Variants in GRM5 observed in about 807,000 individuals in gnomAD.
GRM5 encodes metabotropic glutamate receptor 5.
A neutral mutation model predicts 83.1 loss-of-function variants in GRM5; 19 were observed. That is an observed-to-expected ratio of 0.23 (90% CI 0.16 to 0.34). The LOEUF (loss-of-function observed/expected upper bound fraction) is 0.34. GRM5 is among the 10% of genes least tolerant of loss of function. The pLI is 1.00. For synonymous variants in GRM5, 675 were observed against 633.6 expected (o/e 1.07, Z -0.98); for missense variants, 1,160 against 1,588.3 (o/e 0.73, Z 4.58).
At position 88,577,072 on chromosome 11, in the gene GRM5, C is replaced by A. The variant is rs1943126691; in HGVS notation, c.1691-9080G>T. ...AATTTTGCAACCACTCTCCAGGCCC[C>A]ACTATATTCCTTCTGTGTTCCCATA... On this transcript the variant is annotated intron_variant, in intron 7 of 9. Transcript: ENST00000305447. Among the ~76,000 whole-genome samples the A allele has an allele frequency of 1.3e-5, 2 of 152,048 alleles. 1 individual carries two copies. Among genetic ancestry groups the A allele is most frequent in the South Asian group, 4.1e-4 (2 of 4,824 alleles).
intron 3 of GRM5, among the ~76,000 whole-genome samples, chr11:88,743,993 G>A (rs772954626): frequency 1.3e-5 from 2 of 152,062 alleles, no homozygotes; most frequent in Non-Finnish European, 2.9e-5. Flanking sequence ...ATGATACAAA[G>A]GTTGCTGAAC....
intron 2 of GRM5, among the ~76,000 whole-genome samples, chr11:89,000,756 A>G (rs555721155): frequency 6.6e-6 from 1 of 152,232 alleles, no homozygotes; most frequent in East Asian, 1.9e-4. Context: ...AATTAAAGAA[A>G]ATCAACAAAA....
intron 2 of GRM5, among the ~76,000 whole-genome samples, chr11:88,852,674 G>T (rs1218254032): frequency 2.0e-5 from 3 of 151,976 alleles, no homozygotes; most frequent in Non-Finnish European, 2.9e-5. Context: ...ACTGCTCTAA[G>T]AAAGAAAGTT....
chr11:88,952,702 C>G (rs997748323), intron 2 of GRM5, among the ~76,000 whole-genome samples: 38 of 151,272 alleles, frequency 2.5e-4, no homozygotes, highest in South Asian at 8.3e-4. Context: ...TTTTATTTTT[C>G]TCTCAATATG....
chr11:88,690,869 C>T (rs1281815580), intron 3 of GRM5, among the ~76,000 whole-genome samples: 1 of 152,168 alleles, frequency 6.6e-6, no homozygotes, highest in Non-Finnish European at 1.5e-5. Flanking sequence ...TCAATTTCGA[C>T]TTCACCTCTT....
At position 88,647,314 on chromosome 11, in the gene GRM5, T is replaced by C. The variant is rs1482793985; in HGVS notation, c.1147+5854A>G. Among the ~76,000 whole-genome samples, 3 of 152,008 alleles carry C rather than the reference T, an allele frequency of 2.0e-5. No individual in the cohort carries two copies. In the East Asian group the frequency reaches 5.8e-4, roughly 29 times the overall value. ...GAATTGAGGAAAAGGTAGCAAGTGG[T>C]AATTCAACCCAGTATAAGGCACTCC... On this transcript the variant is annotated intron_variant, in intron 4 of 9. Transcript: ENST00000305447.
intron 8 of GRM5, among the ~76,000 whole-genome samples, chr11:88,557,572 A>G (rs1409797701): frequency 1.3e-5 from 2 of 152,074 alleles, no homozygotes; most frequent in Non-Finnish European, 2.9e-5. Context: ...CTTATAAGGA[A>G]ACAATAGAGG....
chr11:88,939,490 A>C (rs1938013201), intron 2 of GRM5, among the ~76,000 whole-genome samples: 1 of 151,798 alleles, frequency 6.6e-6, no homozygotes, highest in African/African-American at 2.4e-5. Context: ...TTAGCTGCAT[A>C]TGTGGGCAAC....
intron 3 of GRM5, among the ~76,000 whole-genome samples, chr11:88,738,116 T>A (rs1941957231): frequency 6.6e-6 from 1 of 152,070 alleles, no homozygotes; most frequent in Admixed American, 6.6e-5. Flanking sequence ...ATCACAAGAA[T>A]TTTTTGAAAT....
At position 88,747,668 on chromosome 11, in the gene GRM5, G is replaced by T. The variant is rs975287793; in HGVS notation, c.912-94265C>A. Among the ~76,000 whole-genome samples the T allele has an allele frequency of 3.4e-5, 5 of 145,240 alleles. No homozygotes were observed. The South Asian group carries it at 1.1e-3, about 32-fold the overall frequency. ...CTTTACTTCTCAGATTTTGTGGTAA[G>T]AAAAAGTGAGTGCAGTTTGTCTAAC... is the stretch of plus-strand genomic sequence containing the variant. On this transcript the variant is annotated intron_variant, in intron 3 of 9. Transcript: ENST00000305447.
intron 2 of GRM5, among the ~76,000 whole-genome samples, chr11:88,992,051 G>T (rs1210264812): frequency 6.6e-6 from 1 of 152,118 alleles, no homozygotes; most frequent in African/African-American, 2.4e-5. Context: ...TACAGCAAAA[G>T]AAACTACCAT....
chr11:88,859,002 C>T (rs560430472), intron 2 of GRM5, among the ~76,000 whole-genome samples: 5 of 151,718 alleles, frequency 3.3e-5, no homozygotes. Flanking sequence ...GAATAGCTCA[C>T]AAAGACAATG....
intron 2 of GRM5, among the ~76,000 whole-genome samples, chr11:89,037,992 A>G (rs1941433538): frequency 6.6e-6 from 1 of 152,124 alleles, no homozygotes; most frequent in Non-Finnish European, 1.5e-5. Flanking sequence ...GATGTAATAC[A>G]TGTTGATATT....
intron 2 of GRM5, chr11:88,925,645 C>A: frequency 2.4e-6 from 1 of 416,580 alleles, no homozygotes; most frequent in South Asian, 1.8e-5. Flanking sequence ...GCTGGGGTGG[C>A]TCATGCCCAT....
intron 3 of GRM5, among the ~76,000 whole-genome samples, chr11:88,810,345 A>C (rs1943567440): frequency 6.6e-6 from 1 of 152,156 alleles, no homozygotes; most frequent in Admixed American, 6.5e-5. Flanking sequence ...AAAGAGGATT[A>C]GTCTCTGGTG....
chr11:88,699,995 GAT>G (rs1175867632), intron 3 of GRM5, among the ~76,000 whole-genome samples: 2 of 152,140 alleles, frequency 1.3e-5, no homozygotes, highest in Non-Finnish European at 2.9e-5. Context: ...AGTCCTGAAA[GAT>G]AATGGTAACA....
At chr11:88,528,019 A>C (rs1469123163) in intron 8 of GRM5, among the ~76,000 whole-genome samples, 1 of 152,034 alleles carries the variant, frequency 6.6e-6, no homozygotes, top group Non-Finnish European at 1.5e-5. Context: ...TAATCTGCAT[A>C]TTATACCCCT....
At chr11:88,711,253 T>C (rs1941274139) in intron 3 of GRM5, among the ~76,000 whole-genome samples, 1 of 152,038 alleles carries the variant, frequency 6.6e-6, no homozygotes, top group Non-Finnish European at 1.5e-5. Flanking sequence ...AAGCCATAAA[T>C]ATTCTGACCT....
At chr11:88,861,218 C>A (rs928883220) in intron 2 of GRM5, among the ~76,000 whole-genome samples, 1 of 152,056 alleles carries the variant, frequency 6.6e-6, no homozygotes, top group African/African-American at 2.4e-5. Context: ...TTAATGGCAT[C>A]CAAACTTTTC....
Sources: gnomAD v4.1 joint callset for allele counts (sites outside exome capture counted in the v4.1 genomes callset) on GRCh38, gnomAD v4.1.1 for gene constraint, MANE v1.5 for transcripts, NCBI Gene and HGNC (gene_info 2026-07-23, HGNC 2026-07-21) for gene names.